The following RTEL1 variants were observed in gnomAD, a reference collection of about 807,000 sequenced individuals.
RTEL1 encodes regulator of telomere elongation helicase 1.
Under a neutral mutation model 162.2 loss-of-function variants are expected in RTEL1, and 86 were observed. That is an observed-to-expected ratio of 0.53 (90% CI 0.45 to 0.63). RTEL1 has a LOEUF of 0.63. RTEL1 is among the 30% of genes least tolerant of loss of function. The pLI, the probability that RTEL1 is intolerant of heterozygous loss-of-function variation, is 0.00. For synonymous variants in RTEL1, 958 were observed against 717.9 expected (o/e 1.33, Z -5.35); for missense variants, 1,941 against 1,750.2 (o/e 1.11, Z -1.95).
rs1402051869 is a variant in RTEL1 at position 63,668,020 on chromosome 20, A to C, written c.699+467A>C. 1.5e-4 allele frequency among the ~76,000 whole-genome samples: 11 copies of C among 71,164 alleles called. No individual in the cohort carries two copies. Among genetic ancestry groups the C allele is most frequent in the African/African-American group, 2.9e-4 (5 of 17,080 alleles). The allele number at this position is 71,164 out of a possible 152,430, so 46.7% of individuals were successfully genotyped here. On this transcript the variant is annotated intron_variant, in intron 8 of 34. Transcript: ENST00000360203. This position sits in a 1 kb window ranked among gnomAD's most constrained non-coding sequence, Gnocchi z 4.3. ...GCCCGGCCCCACACTCACTCCCCCC[A>C]CAGCATGTGCCCGGCCTGACACTCA...
intron 22 of RTEL1, 131 bp downstream of exon 22, chr20:63,689,263 G>C: frequency 2.1e-6 from 2 of 961,620 alleles, no homozygotes; most frequent in South Asian, 1.5e-5. Context: ...GCGACTGCTG[G>C]CCCTGCTGGG....
intron 16 of RTEL1, chr20:63,686,946 C>T (rs1014955960): frequency 6.4e-6 from 1 of 156,562 alleles, no homozygotes; most frequent in Non-Finnish European, 1.4e-5. Context: ...GAAATGAGCT[C>T]CTGGAGGAGG....
intron 34 of RTEL1, 22 bp from the exon 35 acceptor site, chr20:63,695,756 C>G: frequency 6.3e-7 from 1 of 1,588,572 alleles, no homozygotes; most frequent in South Asian, 1.1e-5. Context: ...CAGACGTGTG[C>G]AGTGGGCCGG....
chr20:63,690,271 C>T (rs2090703182), intron 25 of RTEL1, 23 bp from the exon 26 acceptor site: 6 of 1,599,816 alleles, frequency 3.8e-6, no homozygotes, highest in South Asian at 3.3e-5. Context: ...GAAATGGGTC[C>T]ACCCACCCCC....
intron 4 of RTEL1, chr20:63,662,327 C>G: frequency 1.2e-6 from 1 of 851,208 alleles, no homozygotes; most frequent in Non-Finnish European, 1.9e-6. Context: ...TGTGGCCGGA[C>G]CAGTGGCAGG....
At chr20:63,691,711 T>G (rs1328284562) in intron 27 of RTEL1, 31 bp from the exon 28 acceptor site, 1 of 1,580,438 alleles carries the variant, frequency 6.3e-7, no homozygotes, top group Admixed American at 1.7e-5. Context: ...GGTTGGGGTC[T>G]GTGTGTGGTT....
Position 63,659,364 on chromosome 20 carries a change from C to A in RTEL1, c.-39C>A. On this transcript the variant is annotated 5_prime_UTR_variant, in exon 2 of 35. Transcript: ENST00000360203. Reference sequence around the variant, plus strand: ...TTCGCACAGACCCGAATAGCCTGCCCCTCAGCCACGCTCTGTGCCCTTCTG... The same window carrying A: ...TTCGCACAGACCCGAATAGCCTGCCACTCAGCCACGCTCTGTGCCCTTCTG... 1 of 1,493,450 alleles carries A rather than the reference C, an allele frequency of 6.7e-7. No homozygotes were observed. The highest frequency in any genetic ancestry group is 9.3e-7 in the Non-Finnish European group (1 of 1,070,406). 92.5% of individuals were successfully genotyped at this position (1,493,450 alleles called of 1,614,324 possible). A position where few individuals can be genotyped will look rare whatever the true frequency, so the allele number is the denominator to read the frequency against.
rs143740470 is a variant in RTEL1 at position 63,692,948 on chromosome 20, C to T, written c.2796C>T (p.Ala932=). ...YKGSDDFAAL[A]ACLGPLFAED... The stretch of plus-strand genomic sequence containing the variant: ...GTTCCGATGACTTCGCCGCCCTGGC[C>T]GCCTGTCTCGGCCCCCTCTTTGCTG... Residue 932 remains alanine (A), a synonymous_variant, in exon 29 of 35, where the codon GCC becomes GCT. Coordinates refer to ENST00000360203, the MANE Select transcript of RTEL1 (RefSeq NM_001283009.2). The T allele has an allele frequency of 2.1e-4, 344 of 1,612,660 alleles. No individual in the cohort carries two copies. Among genetic ancestry groups the T allele is most frequent in the African/African-American group, 1.1e-3 (80 of 75,056 alleles).
chr20:63,675,498 C>T (rs2146202459), intron 10 of RTEL1, among the ~76,000 whole-genome samples: 1 of 76,014 alleles, frequency 1.3e-5, no homozygotes, highest in South Asian at 3.9e-4. Flanking sequence ...GCTTTAGAAT[C>T]CCTTTATATA....
In RTEL1 at chr20:63,694,960, TC is replaced by T. The variant is rs1555814334; in HGVS notation, c.3334del (p.Leu1112CysfsTer24). On this transcript the variant is annotated frameshift_variant, in exon 32 of 35. Transcript: ENST00000360203. LOFTEE classifies it high-confidence loss of function. ...AALTTAKPED[F>X]PLLHRFSMFV... Reference sequence around the variant, plus strand: ...CTGACCACTGCAAAGCCAGAGGACTTCCCCCTGCTGCACAGCAAGTGGCCCT... The same window carrying T: ...CTGACCACTGCAAAGCCAGAGGACTTCCCCTGCTGCACAGCAAGTGGCCCT... The T allele has an allele frequency of 6.2e-7, 1 of 1,612,176 alleles. No homozygotes were observed. The highest frequency in any genetic ancestry group is 8.5e-7 in the Non-Finnish European group (1 of 1,179,776).
chr20:63,694,769 G>T lies in RTEL1; in HGVS notation c.3138G>T (p.Gly1046=), dbSNP rs762571471. The change falls in exon 32 of 35, where the codon GGG becomes GGT. Residue 1046 remains glycine, a synonymous_variant. Coordinates refer to ENST00000360203, the MANE Select transcript of RTEL1 (RefSeq NM_001283009.2). ...TGDPGSQPQW[G]SGVPRAGKQG... ...ACCCTGGCAGCCAACCACAGTGGGG[G>T]TCTGGAGTGCCCAGAGCAGGGAAGC... The T allele has an allele frequency of 6.2e-7, 1 of 1,610,614 alleles. No homozygotes were observed. The highest frequency in any genetic ancestry group is 8.5e-7 in the Non-Finnish European group (1 of 1,179,024).
At chr20:63,694,316 C>CCCCGG in intron 30 of RTEL1, 56 bp from the exon 31 acceptor site, 2 of 1,246,114 alleles carry the variant, frequency 1.6e-6, no homozygotes, top group Non-Finnish European at 2.4e-6. Flanking sequence ...CCCCCCACCC[C>CCCCGG]AGGGAACTTT....
At chr20:63,680,609 G>T in intron 13 of RTEL1, 55 bp from the exon 14 acceptor site, 1 of 1,590,966 alleles carries the variant, frequency 6.3e-7, no homozygotes. Flanking sequence ...GCCGGGGCTG[G>T]GGTCGGGGCC....
At chr20:63,687,422 C>A (rs1024831221) in intron 16 of RTEL1, 2 of 565,488 alleles carry the variant, frequency 3.5e-6, no homozygotes, top group Admixed American at 6.9e-5. Context: ...CTCCTACTCC[C>A]AGGACCCCCT....
At chr20:63,688,243 G>A in intron 19 of RTEL1, 58 bp from the exon 20 acceptor site, 5 of 1,609,706 alleles carry the variant, frequency 3.1e-6, no homozygotes, top group Non-Finnish European at 4.2e-6. Flanking sequence ...CCCAAGAGCT[G>A]GTAGGGAACC....
chr20:63,689,412 C>G, intron 22 of RTEL1, 90 bp from the exon 23 acceptor site: 1 of 1,402,596 alleles, frequency 7.1e-7, no homozygotes, highest in Non-Finnish European at 9.4e-7. Flanking sequence ...TGGTTGGGGA[C>G]GGAGCCTCGG....
Position 63,661,295 on chromosome 20 carries a change from C to G in RTEL1, c.103-3C>G, listed in dbSNP as rs200607747. Reference sequence around the variant, plus strand: ...CGTAACCCTTGCTCCGAACTCCGTTCAGAAGGTGAATGGCATCCTGGAGAG... The same window carrying G: ...CGTAACCCTTGCTCCGAACTCCGTTGAGAAGGTGAATGGCATCCTGGAGAG... On this transcript the variant is annotated splice_region_variant and splice_polypyrimidine_tract_variant and intron_variant, in intron 2 of 34. Coordinates refer to ENST00000360203, the MANE Select transcript of RTEL1 (RefSeq NM_001283009.2). The surrounding 1 kb of genome is among the most constrained non-coding windows in gnomAD (Gnocchi z 5.1). 6.2e-7 allele frequency: 1 copy of G among 1,611,702 alleles called. No individual in the cohort carries two copies. The highest frequency in any genetic ancestry group is 8.5e-7 in the Non-Finnish European group (1 of 1,179,830).
In RTEL1 at chr20:63,696,164, G is replaced by A. The variant is rs887693179; in HGVS notation, c.*306G>A. ...GGGCACCCCAGCTGAGCCCCTCACC[G>A]GGAAGGAGGAGACCCCCGTGGGCAC... is the stretch of plus-strand genomic sequence containing the variant. On this transcript the variant is annotated 3_prime_UTR_variant, in exon 35 of 35. Coordinates refer to ENST00000360203, the MANE Select transcript of RTEL1 (RefSeq NM_001283009.2). 10 of 478,982 alleles carry A rather than the reference G, an allele frequency of 2.1e-5. No individual in the cohort carries two copies. Among genetic ancestry groups the A allele is most frequent in the African/African-American group, 3.9e-5 (2 of 50,704 alleles). 29.7% of individuals were successfully genotyped at this position (478,982 alleles called of 1,614,324 possible). A position where few individuals can be genotyped will look rare whatever the true frequency, so the allele number is the denominator to read the frequency against.
At position 63,693,202 on chromosome 20, in the gene RTEL1, C is replaced by T. The variant is rs2090805113; in HGVS notation, c.2911C>T (p.Leu971=). Residue 971 remains leucine, a synonymous_variant, in exon 30 of 35, where the codon CTG becomes TTG. Transcript: ENST00000360203. ...KQQFEEVCIQ[L]TGRGCGYRPE... ...GCAGTTTGAGGAGGTCTGTATCCAG[C>T]TGACAGGACGAGGCTGTGGCTATCG... The T allele has an allele frequency of 8.1e-6, 13 of 1,612,048 alleles. No individual in the cohort carries two copies. The highest frequency in any genetic ancestry group is 1.3e-5 in the African/African-American group (1 of 74,852).
Sources: allele counts gnomAD v4.1 joint callset (sites outside exome capture counted in the v4.1 genomes callset), GRCh38; gene constraint gnomAD v4.1.1; non-coding constraint Gnocchi (gnomAD v3.1); transcripts MANE v1.5; gene names NCBI Gene and HGNC (gene_info 2026-07-23, HGNC 2026-07-21).